MICALL1: variants seen among roughly 807,000 people sequenced by gnomAD.
The protein encoded by MICALL1 is MICAL like 1.
Under a neutral mutation model 83.7 loss-of-function variants are expected in MICALL1, and 61 were observed. That is an observed-to-expected ratio of 0.73 (90% CI 0.59 to 0.90). The LOEUF is 0.90. Among genes scored for constraint, MICALL1 ranks in the 40% least tolerant of loss-of-function variants. The pLI is 0.00. For synonymous variants in MICALL1, 481 were observed against 473.6 expected, an observed-to-expected ratio of 1.02 and a Z score of -0.20; for missense variants, 1,066 against 1,152.0, an observed-to-expected ratio of 0.93 and a Z score of 1.08.
At position 37,940,722 on chromosome 22, in the gene MICALL1, G is replaced by A; in HGVS notation, c.2484G>A (p.Glu828=). The A allele has an allele frequency of 6.2e-7, 1 of 1,614,028 alleles. No homozygotes were observed. The highest frequency in any genetic ancestry group is 8.5e-7 in the Non-Finnish European group (1 of 1,179,920). Residue 828 remains glutamate (E), a synonymous_variant, in exon 16 of 16, where the codon GAG becomes GAA. Transcript: ENST00000215957. ...AMIKKKEFQR[E]AEPEGKKKGK... is the part of the protein sequence containing the mutation. The stretch of plus-strand genomic sequence containing the variant: ...TCTGTGCTGCAGAGTTCCAGAGGGA[G>A]GCTGAACCTGAGGGCAAGAAGAAGG...
In MICALL1 at chr22:37,937,084, G is replaced by T; in HGVS notation, c.2313G>T (p.Lys771Asn). The change falls in exon 14 of 16, where the codon AAG becomes AAT. Residue 771 changes from lysine (K) to asparagine (N), a missense_variant. By Grantham distance (94) the Lys-to-Asn change is moderately conservative. Transcript: ENST00000215957. ...CTAACTTTTCTCCCTGGGCAGAAAAGGACTGGACGGAGGAGGACCGGGCCC... is the reference window on the plus strand; with the variant it reads ...CTAACTTTTCTCCCTGGGCAGAAAATGACTGGACGGAGGAGGACCGGGCCC... The part of the protein sequence containing the change: ...ELRCLLNKPE[K>N]DWTEEDRARE... The T allele has an allele frequency of 6.4e-7, 1 of 1,551,566 alleles. No homozygotes were observed. Among genetic ancestry groups the T allele is most frequent in the Non-Finnish European group, 8.7e-7 (1 of 1,146,910 alleles).
rs769874012 is a variant in MICALL1, at chr22:37,927,821, G to T, written c.1876G>T (p.Val626Leu). Reference sequence around the variant, plus strand: ...TGGAAGCTCGTCCCCACAGCTGCAGGTAAAGGTGAGTGCCCCCTCACCCTC... The same window carrying T: ...TGGAAGCTCGTCCCCACAGCTGCAGTTAAAGGTGAGTGCCCCCTCACCCTC... ...SPGSSSPQLQ[V>L]KSSCKENPFN... is the part of the protein sequence containing the mutation. The change falls in exon 9 of 16, where the codon GTA (valine) becomes TTA (leucine). Residue 626 changes from valine (V) to leucine (L), a missense_variant. Coordinates refer to ENST00000215957, the MANE Select transcript of MICALL1 (RefSeq NM_033386.4). 2.0e-5 allele frequency: 32 copies of T among 1,603,594 alleles called. No individual in the cohort carries two copies. Among genetic ancestry groups the T allele is most frequent in the Non-Finnish European group, 2.6e-5 (30 of 1,174,016 alleles).
In MICALL1 at chr22:37,917,746, C is replaced by T. The variant is rs751411410; in HGVS notation, c.377C>T (p.Ser126Phe). The T allele has an allele frequency of 2.5e-6, 4 of 1,613,904 alleles. No homozygotes were observed. Among genetic ancestry groups the T allele is most frequent in the South Asian group, 1.1e-5 (1 of 91,060 alleles). Reference protein sequence around the residue: ...SPPRKGLAPCSPPSVAPTPVE... With the variant: ...SPPRKGLAPCFPPSVAPTPVE... ...CCCAGAAAGGGCCTTGCACCCTGTT[C>T]CCCGCCGTCTGTAGCACCCACTCCA... Residue 126 changes from serine (S) to phenylalanine (F), a missense_variant, in exon 4 of 16, where the codon TCC becomes TTC. By Grantham distance (155) the Ser-to-Phe change is radical (BLOSUM62 -2). Coordinates refer to ENST00000215957, the MANE Select transcript of MICALL1 (RefSeq NM_033386.4).
rs776177423 is a variant in MICALL1, at chr22:37,912,363, G to A, written c.208G>A (p.Ala70Thr). Residue 70 changes from alanine to threonine, a missense_variant, in exon 3 of 16, where the codon GCT (alanine) becomes ACT (threonine). Ala to Thr is a moderately conservative substitution (Grantham distance 58). Coordinates refer to ENST00000215957, the MANE Select transcript of MICALL1 (RefSeq NM_033386.4). ...GTCACCACCCCAGGCCTTTGAAGTG[G>A]CTGAGAAGGAGCTGGGGATCCCCGC... is the stretch of plus-strand genomic sequence containing the variant. Reference protein sequence around the residue: ...FENNRLAFEVAEKELGIPALL... With the variant: ...FENNRLAFEVTEKELGIPALL... 1.2e-6 allele frequency: 2 copies of A among 1,612,222 alleles called. No individual in the cohort carries two copies. Among genetic ancestry groups the A allele is most frequent in the Non-Finnish European group, 1.7e-6 (2 of 1,178,720 alleles).
chr22:37,926,343 C>A (rs2072859), intron 8 of MICALL1, among the ~76,000 whole-genome samples: 1 of 152,066 alleles, frequency 6.6e-6, no homozygotes. Flanking sequence ...CCCTCCCTGT[C>A]GTGCTCGTTA....
chr22:37,911,370 G>A (rs2145878479), intron 1 of MICALL1, among the ~76,000 whole-genome samples: 1 of 152,324 alleles, frequency 6.6e-6, no homozygotes, highest in East Asian at 1.9e-4. Flanking sequence ...CAGCAAGTTG[G>A]TGTGGCTACT....
At chr22:37,910,274 AT>A (rs1928234891) in intron 1 of MICALL1, among the ~76,000 whole-genome samples, 1 of 152,168 alleles carries the variant, frequency 6.6e-6, no homozygotes, top group African/African-American at 2.4e-5. Context: ...CATCTTCGAA[AT>A]TTGGGGAACT....
At chr22:37,927,848 C>T (rs747908003) in intron 9 of MICALL1, 22 bp downstream of exon 9, 4 of 1,577,090 alleles carry the variant, frequency 2.5e-6, no homozygotes, top group East Asian at 4.5e-5. Flanking sequence ...CTCACCCTCA[C>T]TAAAAGTGAC....
At chr22:37,913,261 G>A (rs554754036) in intron 3 of MICALL1, among the ~76,000 whole-genome samples, 3 of 152,278 alleles carry the variant, frequency 2.0e-5, no homozygotes, top group East Asian at 1.9e-4. Context: ...ACTGGTGCCC[G>A]GCCTGACATA....
At position 37,922,139 on chromosome 22, in the gene MICALL1, C is replaced by T. The variant is rs773925003; in HGVS notation, c.737C>T (p.Ala246Val). 4.2e-5 allele frequency: 67 copies of T among 1,613,142 alleles called. No homozygotes were observed. Among genetic ancestry groups the T allele is most frequent in the Non-Finnish European group, 5.6e-5 (66 of 1,180,008 alleles). ...QPKQQHQQQLAEDAKDVPGGG... is the reference protein window; with the variant it reads ...QPKQQHQQQLVEDAKDVPGGG... ...AAGCAGCAGCACCAGCAGCAACTCG[C>T]AGAAGATGCCAAGGATGTTCCAGGA... The change falls in exon 6 of 16, where the codon GCA becomes GTA. Residue 246 changes from alanine to valine, a missense_variant. Physicochemically the swap from Ala to Val is moderately conservative, Grantham distance 64. Transcript: ENST00000215957.
intron 9 of MICALL1, among the ~76,000 whole-genome samples, chr22:37,929,359 G>A (rs1041583684): frequency 6.6e-5 from 10 of 152,142 alleles, no homozygotes; most frequent in Admixed American, 5.9e-4. Context: ...TCCCCAAGGC[G>A]CTCCCAGCCA....
chr22:37,935,211 C>A (rs571525532), intron 13 of MICALL1, among the ~76,000 whole-genome samples: 1 of 151,564 alleles, frequency 6.6e-6, no homozygotes, highest in Non-Finnish European at 1.5e-5. Context: ...GGATTACAGG[C>A]GTGAGCCACC....
chr22:37,921,872 G>C, intron 5 of MICALL1, 100 bp from the exon 6 acceptor site: 1 of 1,149,528 alleles, frequency 8.7e-7, no homozygotes, highest in Non-Finnish European at 1.2e-6. Context: ...GCAGTTGGGA[G>C]GAGGGAAGGG....
intron 1 of MICALL1, among the ~76,000 whole-genome samples, chr22:37,910,650 G>A (rs1287393573): frequency 6.6e-6 from 1 of 152,130 alleles, no homozygotes; most frequent in East Asian, 1.9e-4. Flanking sequence ...ACCCAGCCCT[G>A]GGGCACCAGA....
In MICALL1 at chr22:37,922,045, G is replaced by A. The variant is rs769580856; in HGVS notation, c.643G>A (p.Ala215Thr). Reference sequence around the variant, plus strand: ...GCCTGAGGAGGGCACCTTTGTGTGTGCAGAACACTGTGCCAGGCTGGGCCC... The same window carrying A: ...GCCTGAGGAGGGCACCTTTGTGTGTACAGAACACTGTGCCAGGCTGGGCCC... Reference protein sequence around the residue: ...NGPEEGTFVCAEHCARLGPGT... With the variant: ...NGPEEGTFVCTEHCARLGPGT... Residue 215 changes from alanine (A) to threonine (T), a missense_variant, in exon 6 of 16, where the codon GCA (alanine) becomes ACA (threonine). Coordinates refer to ENST00000215957, the MANE Select transcript of MICALL1 (RefSeq NM_033386.4). 9 of 1,613,314 alleles carry A rather than the reference G, an allele frequency of 5.6e-6. No homozygotes were observed. The East Asian group carries it at 1.8e-4, about 32-fold the overall frequency.
intron 14 of MICALL1, 100 bp downstream of exon 14, chr22:37,937,294 G>A: frequency 9.8e-7 from 1 of 1,016,402 alleles, no homozygotes; most frequent in Non-Finnish European, 1.4e-6. Flanking sequence ...CAAAGACACA[G>A]TCCACGCCTC....
Position 37,922,325 on chromosome 22 carries a change from C to A in MICALL1, c.923C>A (p.Ala308Asp). ...AGRPTPAPRK[A>D]SESTTPAPPT... ...CGCCCCACCCCTGCCCCCAGGAAGG[C>A]CTCTGAGAGCACCACCCCAGCACCC... Residue 308 changes from alanine to aspartate, a missense_variant, in exon 6 of 16, where the codon GCC (alanine) becomes GAC (aspartate). Ala to Asp is a moderately radical substitution (Grantham distance 126, BLOSUM62 -2). Transcript: ENST00000215957. 6.5e-7 allele frequency: 1 copy of A among 1,528,908 alleles called. No homozygotes were observed. Among genetic ancestry groups the A allele is most frequent in the Non-Finnish European group, 8.8e-7 (1 of 1,138,462 alleles). 94.7% of individuals were successfully genotyped at this position (1,528,908 alleles called of 1,614,324 possible).
chr22:37,939,572 G>A (rs1340985744), intron 15 of MICALL1, among the ~76,000 whole-genome samples: 6 of 149,720 alleles, frequency 4.0e-5, no homozygotes, highest in Admixed American at 6.7e-5. Flanking sequence ...TCAGGTGTTC[G>A]AGACCAGCCT....
At chr22:37,937,349 G>A (rs991836460) in intron 14 of MICALL1, among the ~76,000 whole-genome samples, 155 bp downstream of exon 14, 4 of 151,514 alleles carry the variant, frequency 2.6e-5, no homozygotes, top group Admixed American at 6.6e-5. Context: ...CCAGTGCACC[G>A]TTGCTCAGCC....
Sources: gnomAD v4.1 joint callset for allele counts (sites outside exome capture counted in the v4.1 genomes callset) on GRCh38, gnomAD v4.1.1 for gene constraint, MANE v1.5 for transcripts, NCBI Gene and HGNC (gene_info 2026-07-23, HGNC 2026-07-21) for gene names.